Variants in RANBP2 observed in about 807,000 individuals in gnomAD.
RANBP2 encodes the protein E3 SUMO-protein ligase RanBP2.
RANBP2 carries 57 observed loss-of-function variants against 303.6 expected under a neutral mutation model. The ratio of observed to expected loss-of-function variants is 0.19; its 90% CI spans 0.15 to 0.23. The LOEUF is 0.23. Ranked by LOEUF, RANBP2 falls within the 10% of genes least tolerant of loss-of-function variation. RANBP2 has a pLI of 1.00. For synonymous variants in RANBP2, 1,167 were observed against 1,301.5 expected, an observed-to-expected ratio of 0.90 and a Z score of 2.23; for missense variants, 3,138 against 3,780.8, an observed-to-expected ratio of 0.83 and a Z score of 4.46.
the RANBP2 span, among the ~76,000 whole-genome samples, chr2:109,439,252 G>A: frequency 1.9e-4 from 29 of 152,258 alleles, no homozygotes; most frequent in East Asian, 9.6e-4. Context: ...TGTTACACAC[G>A]GGGAGAGTGA....
the RANBP2 span, among the ~76,000 whole-genome samples, chr2:108,802,745 A>T: frequency 3.3e-5 from 5 of 149,550 alleles, no homozygotes; most frequent in African/African-American, 9.8e-5. Flanking sequence ...TTGCCCATTC[A>T]GTATGATATC....
At position 108,782,599 on chromosome 2, in the gene RANBP2, A is replaced by G. The variant is rs1678332456; in HGVS notation, c.9106A>G (p.Thr3036Ala). Residue 3036 changes from threonine to alanine, a missense_variant, in exon 28 of 29, where the codon ACA (threonine) becomes GCA (alanine). Thr to Ala is a moderately conservative substitution (Grantham distance 58). Coordinates refer to ENST00000283195, the MANE Select transcript of RANBP2 (RefSeq NM_006267.5). ...TKEVADCFKK[T>A]FEECQQNLMK... ...AGAAGTAGCTGATTGTTTCAAGAAA[A>G]CATTTGAAGAATGTCAGCAGAATTT... 1 of 1,614,222 alleles carries G rather than the reference A, an allele frequency of 6.2e-7. No homozygotes were observed. Among genetic ancestry groups the G allele is most frequent in the African/African-American group, 1.3e-5 (1 of 75,060 alleles).
At chr2:109,378,607 G>A in the RANBP2 span, among the ~76,000 whole-genome samples, 1 of 152,192 alleles carries the variant, frequency 6.6e-6, no homozygotes, top group Non-Finnish European at 1.5e-5. Flanking sequence ...ATGTTCTTGA[G>A]CTTTGATTTT....
chr2:109,217,235 A>G, the RANBP2 span, among the ~76,000 whole-genome samples: 1 of 152,318 alleles, frequency 6.6e-6, no homozygotes, highest in South Asian at 2.1e-4. Flanking sequence ...TCACTCTTTT[A>G]ATAAAATTCT....
At chr2:109,489,082 C>T in the RANBP2 span, among the ~76,000 whole-genome samples, 7 of 152,344 alleles carry the variant, frequency 4.6e-5, no homozygotes, top group East Asian at 1.9e-4. Context: ...GAGCGAAGGC[C>T]GAGACTCAGG....
the RANBP2 span, among the ~76,000 whole-genome samples, chr2:109,486,403 A>G: frequency 2.0e-5 from 3 of 152,176 alleles, no homozygotes; most frequent in Non-Finnish European, 2.9e-5. Context: ...AGGCAGGTGG[A>G]GGTCTTGGAT....
chr2:108,867,083 G>A, the RANBP2 span, among the ~76,000 whole-genome samples: 2 of 151,986 alleles, frequency 1.3e-5, no homozygotes, highest in Non-Finnish European at 2.9e-5. Context: ...TGAGTCACTG[G>A]GTTGAGAACT....
At chr2:108,866,850 T>A in the RANBP2 span, among the ~76,000 whole-genome samples, 1 of 151,090 alleles carries the variant, frequency 6.6e-6, no homozygotes, top group African/African-American at 2.4e-5. Context: ...GCCACGGCAC[T>A]CCAGCCTGGG....
chr2:109,091,794 G>T, the RANBP2 span, among the ~76,000 whole-genome samples: 1 of 152,204 alleles, frequency 6.6e-6, no homozygotes, highest in African/African-American at 2.4e-5. Flanking sequence ...TACAGAAATA[G>T]TCCTGGGAAG....
chr2:109,602,567 CG>C, the RANBP2 span, among the ~76,000 whole-genome samples: 1 of 151,226 alleles, frequency 6.6e-6, no homozygotes, highest in African/African-American at 2.4e-5. Context: ...CCCAGCTACT[CG>C]GGAGGGTGAG....
the RANBP2 span, among the ~76,000 whole-genome samples, chr2:109,525,038 T>C: frequency 1.3e-5 from 2 of 151,650 alleles, no homozygotes; most frequent in African/African-American, 4.8e-5. Flanking sequence ...ACAGACTAGT[T>C]CAACACTTTC....
the RANBP2 span, chr2:109,501,589 G>T: frequency 1.2e-5 from 9 of 779,680 alleles, no homozygotes; most frequent in East Asian, 2.2e-4. Flanking sequence ...CACAAGAAGC[G>T]TGAGGACGGC....
chr2:109,292,250 A>G, the RANBP2 span, among the ~76,000 whole-genome samples: 6 of 152,388 alleles, frequency 3.9e-5, no homozygotes, highest in East Asian at 1.2e-3. Flanking sequence ...ATGTATAAAC[A>G]TAATATTTTT....
At chr2:109,106,968 C>T in the RANBP2 span, among the ~76,000 whole-genome samples, 4 of 137,942 alleles carry the variant, frequency 2.9e-5, no homozygotes, top group Admixed American at 1.6e-4. Context: ...GACAGAGTCT[C>T]GTTCTGTCAC....
At chr2:109,640,196 T>C in the RANBP2 span, among the ~76,000 whole-genome samples, 1 of 150,966 alleles carries the variant, frequency 6.6e-6, no homozygotes, top group Non-Finnish European at 1.5e-5. Context: ...CTCATGCCTG[T>C]AATCCCAGCA....
At chr2:109,378,317 C>T in the RANBP2 span, among the ~76,000 whole-genome samples, 1 of 152,148 alleles carries the variant, frequency 6.6e-6, no homozygotes, top group African/African-American at 2.4e-5. Context: ...TAAGAGAAAC[C>T]CAGCATGCCA....
the RANBP2 span, among the ~76,000 whole-genome samples, chr2:109,726,752 G>A: frequency 6.6e-5 from 10 of 152,172 alleles, no homozygotes; most frequent in Non-Finnish European, 1.3e-4. Flanking sequence ...TGGAGAGTGG[G>A]GAGCCACACC....
the RANBP2 span, among the ~76,000 whole-genome samples, chr2:109,379,833 A>T: frequency 6.6e-6 from 1 of 152,060 alleles, no homozygotes; most frequent in African/African-American, 2.4e-5. Flanking sequence ...CGAGGACCAG[A>T]AGGCAGGGAC....
chr2:109,774,550 A>AT, the RANBP2 span, among the ~76,000 whole-genome samples: 10 of 98,940 alleles, frequency 1.0e-4, 1 homozygote, highest in South Asian at 6.7e-4. Context: ...AAATATATAT[A>AT]ATATATATAT....
Sources: gnomAD v4.1 joint callset for allele counts (sites outside exome capture counted in the v4.1 genomes callset) on GRCh38, gnomAD v4.1.1 for gene constraint, MANE v1.5 for transcripts, NCBI Gene and HGNC (gene_info 2026-07-23, HGNC 2026-07-21) for gene names.